The following MAP2 variants were observed in gnomAD, a reference collection of about 807,000 sequenced individuals.
MAP2 encodes the protein microtubule-associated protein 2.
Under a neutral mutation model 137.6 loss-of-function variants are expected in MAP2, and 14 were observed. The ratio of observed to expected loss-of-function variants is 0.10; its 90% CI spans 0.07 to 0.16. MAP2 has a LOEUF of 0.16. Ranked by LOEUF, MAP2 falls within the 10% of genes least tolerant of loss-of-function variation. The pLI is 1.00. For synonymous variants in MAP2, 786 were observed against 782.3 expected (o/e 1.00, Z -0.08); for missense variants, 2,088 against 2,191.5 (o/e 0.95, Z 0.94).
rs759303413 is a variant in MAP2, at chr2:209,696,077, G to A, written c.3907G>A (p.Glu1303Lys). The A allele has an allele frequency of 6.2e-7, 1 of 1,614,094 alleles. No individual in the cohort carries two copies. The highest frequency in any genetic ancestry group is 8.5e-7 in the Non-Finnish European group (1 of 1,180,006). The part of the protein sequence containing the change: ...TVVQTTTDEG[E>K]SGSHSVRFAA... ...AGTGCAAACCACAACTGATGAAGGG[G>A]AGTCAGGGTCCCACAGCGTGCGTTT... The change falls in exon 8 of 16, where the codon GAG becomes AAG. Residue 1303 changes from glutamate to lysine, a missense_variant. Around this residue, in one of 6 missense-constraint regions of MAP2, gnomAD observed 591 missense variants for 642.6 expected, o/e 0.92. Coordinates refer to ENST00000682079, the MANE Select transcript of MAP2 (RefSeq NM_001375505.1).
rs767208132 is a variant in MAP2, at chr2:209,694,310, C to G, written c.2140C>G (p.Leu714Val). The change falls in exon 8 of 16, where the codon CTT becomes GTT. Residue 714 changes from leucine (L) to valine (V), a missense_variant. Leu to Val is a conservative substitution (Grantham distance 32, BLOSUM62 1). This residue lies in a region of MAP2 where 500 missense variants were observed against 482.9 expected (regional missense o/e 1.04). Transcript: ENST00000682079. ...LPMSCLDSIA[L>V]GFNFGRGHDL... Reference sequence around the variant, plus strand: ...GATGTCTTGCCTAGATTCCATAGCCCTTGGATTTAACTTTGGTCGGGGACA... The same window carrying G: ...GATGTCTTGCCTAGATTCCATAGCCGTTGGATTTAACTTTGGTCGGGGACA... 1 of 1,614,062 alleles carries G rather than the reference C, an allele frequency of 6.2e-7. No homozygotes were observed. The highest frequency in any genetic ancestry group is 1.1e-5 in the South Asian group (1 of 91,076).
chr2:209,499,886 G>T (rs1282058350), intron 1 of MAP2, among the ~76,000 whole-genome samples: 1 of 152,116 alleles, frequency 6.6e-6, no homozygotes, highest in African/African-American at 2.4e-5. Context: ...TGAGAGCTCT[G>T]CCCCCATTAT....
chr2:209,541,590 T>C (rs1323212144), intron 2 of MAP2, among the ~76,000 whole-genome samples: 2 of 144,432 alleles, frequency 1.4e-5, no homozygotes, highest in Non-Finnish European at 2.9e-5. Context: ...CACTCAAACC[T>C]TGCCTCTGGC....
At chr2:209,506,009 C>T (rs549632297) in intron 1 of MAP2, among the ~76,000 whole-genome samples, 1 of 151,946 alleles carries the variant, frequency 6.6e-6, no homozygotes, top group African/African-American at 2.4e-5. Context: ...AACATTTCAC[C>T]ATTCCCCTGA....
chr2:209,458,452 G>A (rs1702039092), intron 1 of MAP2, among the ~76,000 whole-genome samples: 2 of 152,100 alleles, frequency 1.3e-5, no homozygotes, highest in Admixed American at 6.6e-5. Flanking sequence ...AAGGAAACAG[G>A]AAAACTGAGA....
intron 6 of MAP2, 53 bp from the exon 7 acceptor site, chr2:209,680,697 C>A: frequency 1.4e-6 from 2 of 1,464,600 alleles, no homozygotes; most frequent in Non-Finnish European, 9.6e-7. Context: ...ACACATCTAC[C>A]AGCCTAAAAG....
At chr2:209,675,238 AT>A (rs886454397) in intron 5 of MAP2, among the ~76,000 whole-genome samples, 45 of 151,814 alleles carry the variant, frequency 3.0e-4, no homozygotes, top group Admixed American at 1.2e-3. Flanking sequence ...CCCTTGGATT[AT>A]TTTTTTTAAC....
At chr2:209,608,907 C>A (rs555254709) in intron 3 of MAP2, among the ~76,000 whole-genome samples, 1 of 152,088 alleles carries the variant, frequency 6.6e-6, no homozygotes, top group African/African-American at 2.4e-5. Context: ...CCTGCTTGCC[C>A]AAATTATGTG....
chr2:209,534,583 T>C (rs2065668285), intron 2 of MAP2, among the ~76,000 whole-genome samples: 1 of 152,232 alleles, frequency 6.6e-6, no homozygotes, highest in Non-Finnish European at 1.5e-5. Flanking sequence ...TCTATAAATA[T>C]GTCAAATATT....
In MAP2 at chr2:209,612,638, A is replaced by G. The variant is rs1356674900; in HGVS notation, c.-106-12415A>G. On this transcript the variant is annotated intron_variant, in intron 3 of 15. Transcript: ENST00000682079. ...AAAGTGCTATTCAGCCAGCAGCTATAGCAAGTAATGTATTAAATGAATGAG... is the reference window on the plus strand; with the variant it reads ...AAAGTGCTATTCAGCCAGCAGCTATGGCAAGTAATGTATTAAATGAATGAG... 5.9e-5 allele frequency among the ~76,000 whole-genome samples: 9 copies of G among 152,316 alleles called. No individual in the cohort carries two copies. The East Asian group carries it at 1.5e-3, about 26-fold the overall frequency.
intron 2 of MAP2, among the ~76,000 whole-genome samples, chr2:209,517,516 A>AT (rs1384036985): frequency 4.6e-5 from 7 of 152,030 alleles, no homozygotes; most frequent in African/African-American, 1.4e-4. Context: ...TTCTCTTTGG[A>AT]TTGAGCATAG....
At chr2:209,510,395 T>C (rs2061583081) in intron 2 of MAP2, among the ~76,000 whole-genome samples, 1 of 152,076 alleles carries the variant, frequency 6.6e-6, no homozygotes, top group African/African-American at 2.4e-5. Context: ...CTATTATAAA[T>C]AGCCCTGCAA....
intron 5 of MAP2, among the ~76,000 whole-genome samples, chr2:209,657,749 A>G (rs934197107): frequency 4.6e-5 from 7 of 152,198 alleles, no homozygotes; most frequent in African/African-American, 1.7e-4. Context: ...TTTCCTGTGC[A>G]GAAGCTTTTT....
At chr2:209,447,388 A>G (rs937062194) in intron 1 of MAP2, among the ~76,000 whole-genome samples, 5 of 151,966 alleles carry the variant, frequency 3.3e-5, no homozygotes, top group African/African-American at 1.2e-4. Flanking sequence ...TGTGGATCAT[A>G]TTGGTCTGTT....
chr2:209,494,247 C>A (rs1404258871), intron 1 of MAP2, among the ~76,000 whole-genome samples: 1 of 151,978 alleles, frequency 6.6e-6, no homozygotes, highest in Non-Finnish European at 1.5e-5. Flanking sequence ...AACATGGGCA[C>A]AGGGCAGGGA....
At chr2:209,613,144 G>C (rs2087590007) in intron 3 of MAP2, among the ~76,000 whole-genome samples, 1 of 152,094 alleles carries the variant, frequency 6.6e-6, no homozygotes, top group African/African-American at 2.4e-5. Flanking sequence ...GCTGTGCATA[G>C]GGAAAGCATA....
At chr2:209,671,885 T>C (rs1249083306) in intron 5 of MAP2, among the ~76,000 whole-genome samples, 3 of 151,874 alleles carry the variant, frequency 2.0e-5, no homozygotes, top group South Asian at 4.1e-4. Flanking sequence ...ATCAAACTTA[T>C]GGGTCCACCA....
At chr2:209,463,697 G>T (rs934817126) in intron 1 of MAP2, among the ~76,000 whole-genome samples, 2 of 152,060 alleles carry the variant, frequency 1.3e-5, no homozygotes, top group Admixed American at 6.5e-5. Flanking sequence ...AGGATAAAAG[G>T]GTAAAACCTG....
intron 2 of MAP2, among the ~76,000 whole-genome samples, chr2:209,556,488 A>G (rs574095218): frequency 3.3e-5 from 5 of 152,280 alleles, no homozygotes; most frequent in African/African-American, 1.2e-4. Context: ...ATCTGTAAGT[A>G]TTACGTGAAC....
Sources: allele counts gnomAD v4.1 joint callset (sites outside exome capture counted in the v4.1 genomes callset), GRCh38; gene constraint gnomAD v4.1.1; regional missense constraint gnomAD v4.1.1; transcripts MANE v1.5; gene names NCBI Gene and HGNC (gene_info 2026-07-23, HGNC 2026-07-21).